Variants in CSNK1G1 observed in about 807,000 individuals in gnomAD.
The protein encoded by CSNK1G1 is casein kinase I isoform gamma-1.
Under a neutral mutation model 59.6 loss-of-function variants are expected in CSNK1G1, and 22 were observed. The ratio of observed to expected loss-of-function variants is 0.37; its 90% CI spans 0.26 to 0.53. The LOEUF is 0.53. CSNK1G1 is among the 20% of genes least tolerant of loss of function. The pLI, the probability that CSNK1G1 is intolerant of heterozygous loss-of-function variation, is 0.89. For missense variants in CSNK1G1, 384 were observed against 519.5 expected, an observed-to-expected ratio of 0.74 and a Z score of 2.54; for synonymous variants, 179 against 177.1, an observed-to-expected ratio of 1.01 and a Z score of -0.08.
intron 2 of CSNK1G1, among the ~76,000 whole-genome samples, chr15:64,263,255 C>T (rs1171631141): frequency 1.3e-5 from 2 of 151,220 alleles, no homozygotes; most frequent in Non-Finnish European, 1.5e-5. Context: ...GTGGCATGAT[C>T]TCAGCTCATT....
chr15:64,182,112 G>A (rs2081826368), intron 10 of CSNK1G1, among the ~76,000 whole-genome samples: 1 of 132,158 alleles, frequency 7.6e-6, no homozygotes, highest in African/African-American at 3.0e-5. Context: ...TGCCCAGGCT[G>A]GAGTGCAGTG....
intron 2 of CSNK1G1, among the ~76,000 whole-genome samples, chr15:64,298,714 T>C (rs1895154528): frequency 6.6e-6 from 1 of 152,120 alleles, no homozygotes; most frequent in Admixed American, 6.6e-5. Context: ...ATTTTGTCCA[T>C]GTTCTCTATG....
Position 64,201,220 on chromosome 15 carries a change from T to C in CSNK1G1, c.1107+1862A>G, listed in dbSNP as rs112568641. ...CTGGGAGACAGAGGTTGAGGTAATC[T>C]GAGATTGCACCACTGCACTCTAGCC... On this transcript the variant is annotated intron_variant, in intron 10 of 11. Transcript: ENST00000303052. Among the ~76,000 whole-genome samples the C allele has an allele frequency of 7.3e-3, 1,028 of 140,760 alleles. 11 individuals are homozygous for C. Among genetic ancestry groups the C allele is most frequent in the African/African-American group, 0.019 (688 of 36,798 alleles). The allele number at this position is 140,760 out of a possible 152,430, so 92.3% of individuals were successfully genotyped here.
chr15:64,183,421 T>C (rs1334954743), intron 10 of CSNK1G1, among the ~76,000 whole-genome samples: 1 of 152,216 alleles, frequency 6.6e-6, no homozygotes, highest in Non-Finnish European at 1.5e-5. Flanking sequence ...GCTACACATC[T>C]GGGCCTTCAC....
intron 1 of CSNK1G1, among the ~76,000 whole-genome samples, chr15:64,307,817 G>C (rs1392123438): frequency 1.3e-5 from 2 of 152,106 alleles, no homozygotes; most frequent in Non-Finnish European, 2.9e-5. Flanking sequence ...CTCCTGAGTA[G>C]CTGGGACTAC....
At position 64,214,049 on chromosome 15, in the gene CSNK1G1, G is replaced by C; in HGVS notation, c.520C>G (p.Arg174Gly). The C allele has an allele frequency of 6.2e-7, 1 of 1,613,992 alleles. No individual in the cohort carries two copies. The highest frequency in any genetic ancestry group is 8.5e-7 in the Non-Finnish European group (1 of 1,179,984). ...ACATGCTCTTTCTTATTGCCTTGTC[G>C]ACCAATCAGGAAGTTCTCTGGCTTG... ...DVKPENFLIG[R>G]QGNKKEHVIH... The change falls in exon 6 of 12, where the codon CGA becomes GGA. Residue 174 changes from arginine to glycine, a missense_variant. By Grantham distance (125) the Arg-to-Gly change is moderately radical. Coordinates refer to ENST00000303052, the MANE Select transcript of CSNK1G1 (RefSeq NM_022048.5). This position sits in a 1 kb window ranked among gnomAD's most constrained non-coding sequence, Gnocchi z 4.3.
intron 10 of CSNK1G1, among the ~76,000 whole-genome samples, chr15:64,191,233 TA>T (rs1327130785): frequency 6.6e-5 from 10 of 152,160 alleles, no homozygotes; most frequent in African/African-American, 2.4e-4. Flanking sequence ...CTAATTTTTT[TA>T]TATTTTTAGT....
chr15:64,321,732 G>A (rs997263828), intron 1 of CSNK1G1, among the ~76,000 whole-genome samples: 1 of 152,086 alleles, frequency 6.6e-6, no homozygotes, highest in African/African-American at 2.4e-5. Flanking sequence ...AAAAGTGTCT[G>A]GTCAAACACC....
intron 3 of CSNK1G1, 67 bp downstream of exon 3, chr15:64,259,134 T>C: frequency 7.3e-7 from 1 of 1,364,062 alleles, no homozygotes; most frequent in Non-Finnish European, 1.0e-6. Flanking sequence ...TTAAAACTAT[T>C]TCCTATAAAA....
At chr15:64,175,000 A>C (rs2081724748) in intron 11 of CSNK1G1, among the ~76,000 whole-genome samples, 1 of 129,274 alleles carries the variant, frequency 7.7e-6, no homozygotes, top group Non-Finnish European at 1.7e-5. Context: ...AAATTTTGTA[A>C]CCCCACCCCC....
intron 4 of CSNK1G1, among the ~76,000 whole-genome samples, chr15:64,250,810 T>C (rs1892035896): frequency 6.6e-6 from 1 of 151,930 alleles, no homozygotes; most frequent in Non-Finnish European, 1.5e-5. Flanking sequence ...ATATAAAACC[T>C]GTCACAGTGA....
In CSNK1G1 at chr15:64,181,218, C is replaced by G. The variant is rs974450244; in HGVS notation, c.1108-764G>C. ...ATCTTTATTTCAGGTTCACTGCCATCCCAGTTCTCACTGATGGTCCCCGAA... is the reference window on the plus strand; with the variant it reads ...ATCTTTATTTCAGGTTCACTGCCATGCCAGTTCTCACTGATGGTCCCCGAA... On this transcript the variant is annotated intron_variant, in intron 10 of 11. Coordinates refer to ENST00000303052, the MANE Select transcript of CSNK1G1 (RefSeq NM_022048.5). 1.1e-5 allele frequency: 17 copies of G among 1,534,740 alleles called. No individual in the cohort carries two copies. In the African/African-American group the frequency reaches 2.3e-4, roughly 21 times the overall value.
At chr15:64,300,274 A>T in intron 2 of CSNK1G1, 45 bp downstream of exon 2, 3 of 1,553,208 alleles carry the variant, frequency 1.9e-6, no homozygotes, top group South Asian at 1.1e-5. Context: ...AGCTTATCAT[A>T]GGTATTGTTG....
intron 1 of CSNK1G1, among the ~76,000 whole-genome samples, chr15:64,307,667 T>G (rs900283787): frequency 6.6e-6 from 1 of 152,168 alleles, no homozygotes; most frequent in Non-Finnish European, 1.5e-5. Flanking sequence ...TGAAACATCT[T>G]GTCAGCAACT....
chr15:64,174,139 TAAA>T (rs982290679), intron 11 of CSNK1G1, among the ~76,000 whole-genome samples: 1 of 152,094 alleles, frequency 6.6e-6, no homozygotes, highest in Non-Finnish European at 1.5e-5. Context: ...AAGAAAGCAA[TAAA>T]AAAAGTTTAC....
intron 4 of CSNK1G1, among the ~76,000 whole-genome samples, chr15:64,235,331 A>G (rs1353905291): frequency 6.6e-6 from 1 of 152,178 alleles, no homozygotes; most frequent in African/African-American, 2.4e-5. Context: ...CTCCTCTTAA[A>G]CCAACATTTT....
chr15:64,190,358 G>A (rs930891618), intron 10 of CSNK1G1, among the ~76,000 whole-genome samples: 2 of 152,104 alleles, frequency 1.3e-5, no homozygotes, highest in Non-Finnish European at 2.9e-5. Flanking sequence ...TGCCAAAAGA[G>A]GTTCAAATGT....
At chr15:64,247,950 C>T (rs928818219) in intron 4 of CSNK1G1, among the ~76,000 whole-genome samples, 3 of 152,106 alleles carry the variant, frequency 2.0e-5, no homozygotes, top group Admixed American at 2.0e-4. Context: ...TCACAATGGG[C>T]TTTTTGTTTA....
At chr15:64,333,537 A>G (rs558517092) in intron 1 of CSNK1G1, among the ~76,000 whole-genome samples, 1 of 151,998 alleles carries the variant, frequency 6.6e-6, no homozygotes, top group African/African-American at 2.4e-5. Context: ...TGAGGACAAC[A>G]AAGTGTCTAG....
Sources: gnomAD v4.1 joint callset for allele counts (sites outside exome capture counted in the v4.1 genomes callset) on GRCh38, gnomAD v4.1.1 for gene constraint, Gnocchi (gnomAD v3.1) non-coding constraint, MANE v1.5 for transcripts, NCBI Gene and HGNC (gene_info 2026-07-23, HGNC 2026-07-21) for gene names.